The following TMEM183A variants were observed in gnomAD, a reference collection of about 807,000 sequenced individuals.
TMEM183A encodes transmembrane protein 183A.
TMEM183A carries 21 observed loss-of-function variants against 46.7 expected under a neutral mutation model. The observed-to-expected ratio is 0.45, with a 90% CI of 0.32 to 0.65. TMEM183A has a LOEUF of 0.65. Among genes scored for constraint, TMEM183A ranks in the 30% least tolerant of loss-of-function variants. The pLI is 0.04. For missense variants in TMEM183A, 331 were observed against 481.9 expected, an observed-to-expected ratio of 0.69 and a Z score of 2.93; for synonymous variants, 165 against 180.2, an observed-to-expected ratio of 0.92 and a Z score of 0.68.
chr1:203,018,955 T>C (rs1657421606), intron 6 of TMEM183A, among the ~76,000 whole-genome samples: 1 of 152,248 alleles, frequency 6.6e-6, no homozygotes, highest in South Asian at 2.1e-4. Context: ...CCCTACCTCT[T>C]AATACTATTG....
At chr1:203,021,900 C>T (rs1280529851) in intron 7 of TMEM183A, among the ~76,000 whole-genome samples, 3 of 151,812 alleles carry the variant, frequency 2.0e-5, no homozygotes, top group Non-Finnish European at 4.4e-5. Flanking sequence ...TAAATGACTT[C>T]AAATAATACA....
rs565900433 is a variant in TMEM183A, at chr1:203,018,091, C to CTT, written c.709-389_709-388dup. Among the ~76,000 whole-genome samples the CTT allele has an allele frequency of 3.3e-5, 5 of 152,310 alleles. No individual in the cohort carries two copies. The East Asian group carries it at 9.6e-4, about 29-fold the overall frequency. On this transcript the variant is annotated intron_variant, in intron 5 of 7. Coordinates refer to ENST00000367242, the MANE Select transcript of TMEM183A (RefSeq NM_138391.6). ...CAGCCCTCTCTGCCTACCTTATGGC[C>CTT]TTGTATCATCTTGCCTGGTGGCTGC...
intron 3 of TMEM183A, among the ~76,000 whole-genome samples, chr1:203,009,818 A>G (rs1023175265): frequency 6.6e-6 from 1 of 152,176 alleles, no homozygotes; most frequent in Non-Finnish European, 1.5e-5. Flanking sequence ...TCTGATGATC[A>G]GCTACGTTTA....
At chr1:203,020,993 T>G (rs776165091) in intron 7 of TMEM183A, 45 bp downstream of exon 7, 1 of 1,507,110 alleles carries the variant, frequency 6.6e-7, no homozygotes, top group Non-Finnish European at 8.9e-7. Context: ...TTTTTTTTTT[T>G]TTTTTTCATT....
rs1240865867 is a variant in TMEM183A at position 203,013,838 on chromosome 1, C to T, written c.368-1051C>T. Among the ~76,000 whole-genome samples, 4 of 149,398 alleles carry T rather than the reference C, an allele frequency of 2.7e-5. No homozygotes were observed. The stretch of plus-strand genomic sequence containing the variant: ...TAAGTGCCATCTCAGCTCACTGCAA[C>T]CTCCACCTCCTGGTTCAAGCGATTC... On this transcript the variant is annotated intron_variant, in intron 3 of 7. Transcript: ENST00000367242. The surrounding 1 kb of genome is among the most constrained non-coding windows in gnomAD (Gnocchi z 4.0).
chr1:203,011,071 G>A (rs1382915347), intron 3 of TMEM183A, among the ~76,000 whole-genome samples: 2 of 152,132 alleles, frequency 1.3e-5, no homozygotes, highest in Non-Finnish European at 2.9e-5. Flanking sequence ...TATGAATAAT[G>A]CTGCTGTGAA....
rs200110791 is a variant in TMEM183A, at chr1:203,009,671, CAG to C, written c.367+862_367+863del. 4.8e-3 allele frequency among the ~76,000 whole-genome samples: 723 copies of C among 152,166 alleles called. 5 individuals carry two copies. The highest frequency in any genetic ancestry group is 0.017 in the African/African-American group (688 of 41,518). On this transcript the variant is annotated intron_variant, in intron 3 of 7. Transcript: ENST00000367242. ...TAATTTTTTCTATTTTTTGTAGAGACAGGGGTCTCACTATGTTGCCTAGGCTA... is the reference window on the plus strand; with the variant it reads ...TAATTTTTTCTATTTTTTGTAGAGACGGGTCTCACTATGTTGCCTAGGCTA...
intron 3 of TMEM183A, 120 bp from the exon 4 acceptor site, chr1:203,014,769 C>A: frequency 7.1e-7 from 1 of 1,405,934 alleles, no homozygotes; most frequent in Non-Finnish European, 9.5e-7. Flanking sequence ...TGAGGGGTTT[C>A]CTTGGACCTA....
Position 203,013,195 on chromosome 1 carries a change from T to TGAA in TMEM183A, c.368-1690_368-1688dup, listed in dbSNP as rs1297169059. Among the ~76,000 whole-genome samples the TGAA allele has an allele frequency of 6.6e-6, 1 of 152,200 alleles. No homozygotes were observed. The highest frequency in any genetic ancestry group is 1.5e-5 in the Non-Finnish European group (1 of 68,032). ...TTTTAGACATATTGGGTCTCTGTTG[T>TGAA]GAAGAACCTAACCAAATAACCTGAT... On this transcript the variant is annotated intron_variant, in intron 3 of 7. Coordinates refer to ENST00000367242, the MANE Select transcript of TMEM183A (RefSeq NM_138391.6). This position sits in a 1 kb window ranked among gnomAD's most constrained non-coding sequence, Gnocchi z 4.0.
intron 3 of TMEM183A, among the ~76,000 whole-genome samples, chr1:203,010,517 A>G (rs909517465): frequency 2.0e-4 from 30 of 152,186 alleles, no homozygotes; most frequent in African/African-American, 7.0e-4. Context: ...AATGCGGGAA[A>G]AGCCAAAATC....
In TMEM183A at chr1:203,007,966, G is replaced by C. The variant is rs928179929; in HGVS notation, c.199+103G>C. ...CCTTTAGTCGTCTTCCTGTAACCGT[G>C]TTTGCTTTCGTTAGTGTTAACTTAC... On this transcript the variant is annotated intron_variant, in intron 2 of 7. Coordinates refer to ENST00000367242, the MANE Select transcript of TMEM183A (RefSeq NM_138391.6). 3 of 1,420,228 alleles carry C rather than the reference G, an allele frequency of 2.1e-6. No homozygotes were observed. The Admixed American group carries it at 6.6e-5, about 31-fold the overall frequency. The allele number at this position is 1,420,228 out of a possible 1,614,324, so 88.0% of individuals were successfully genotyped here.
intron 1 of TMEM183A, 47 bp from the exon 2 acceptor site, chr1:203,007,727 G>C (rs1301713619): frequency 6.2e-7 from 1 of 1,607,608 alleles, no homozygotes; most frequent in Non-Finnish European, 8.5e-7. Flanking sequence ...CGGGGAAGAC[G>C]CTGACGAGAG....
chr1:203,015,882 G>A lies in TMEM183A; in HGVS notation c.528-78G>A. The A allele has an allele frequency of 3.2e-6, 5 of 1,545,688 alleles. No individual in the cohort carries two copies. The Admixed American group carries it at 9.3e-5, about 29-fold the overall frequency. On this transcript the variant is annotated intron_variant, in intron 4 of 7. Transcript: ENST00000367242. ...AATAGTGCAGTAAAGTTCATACAGAGACCAGGAGTCTTAGAAAACTGACCT... is the reference window on the plus strand; with the variant it reads ...AATAGTGCAGTAAAGTTCATACAGAAACCAGGAGTCTTAGAAAACTGACCT...
chr1:203,017,738 C>G, intron 5 of TMEM183A: 1 of 985,860 alleles, frequency 1.0e-6, no homozygotes, highest in Non-Finnish European at 1.2e-6. Flanking sequence ...ATTTGATTCC[C>G]CCTCTCTCTC....
chr1:203,010,967 T>A (rs73091378), intron 3 of TMEM183A, among the ~76,000 whole-genome samples: 2,670 of 152,344 alleles, frequency 0.018, 74 homozygotes, highest in African/African-American at 0.062. Context: ...CTTTTGCATG[T>A]AGCTTCTTTC....
At chr1:203,020,485 G>A (rs1465859051) in intron 6 of TMEM183A, among the ~76,000 whole-genome samples, 1 of 152,156 alleles carries the variant, frequency 6.6e-6, no homozygotes, top group South Asian at 2.1e-4. Flanking sequence ...CAAGTTACAA[G>A]GAATTTGCAG....
chr1:203,015,295 C>G, intron 4 of TMEM183A: 1 of 539,576 alleles, frequency 1.9e-6, no homozygotes. Context: ...AAACGTCTTG[C>G]TTCAAGTCCC....
intron 3 of TMEM183A, among the ~76,000 whole-genome samples, chr1:203,010,976 T>A (rs2102537686): frequency 6.6e-6 from 1 of 152,380 alleles, no homozygotes; most frequent in South Asian, 2.1e-4. Flanking sequence ...GTAGCTTCTT[T>A]CATTTAGCAT....
rs1657947965 is a variant in TMEM183A at position 203,023,912 on chromosome 1, A to G, written c.*872A>G. The G allele has an allele frequency of 2.0e-5, 3 of 152,158 alleles. No homozygotes were observed. Among genetic ancestry groups the G allele is most frequent in the African/African-American group, 4.8e-5 (2 of 41,420 alleles). 9.4% of individuals were successfully genotyped at this position (152,158 alleles called of 1,614,324 possible). A position where few individuals can be genotyped will look rare whatever the true frequency, so the allele number is the denominator to read the frequency against. On this transcript the variant is annotated 3_prime_UTR_variant, in exon 8 of 8. Coordinates refer to ENST00000367242, the MANE Select transcript of TMEM183A (RefSeq NM_138391.6). ...GGAGTAGGCAGAGTGTACATAGATAAAAAAAAGTAAAAGGGTAAGTAAAAA... is the reference window on the plus strand; with the variant it reads ...GGAGTAGGCAGAGTGTACATAGATAGAAAAAAGTAAAAGGGTAAGTAAAAA...
Sources: allele counts gnomAD v4.1 joint callset (sites outside exome capture counted in the v4.1 genomes callset), GRCh38; gene constraint gnomAD v4.1.1; non-coding constraint Gnocchi (gnomAD v3.1); transcripts MANE v1.5; gene names NCBI Gene and HGNC (gene_info 2026-07-23, HGNC 2026-07-21).